The following PPP2R3B variants were observed in gnomAD, a reference collection of about 807,000 sequenced individuals.
PPP2R3B encodes protein phosphatase 2 regulatory subunit B''beta, also known as serine/threonine-protein phosphatase 2A regulatory subunit B'' subunit beta.
PPP2R3B carries 68 observed loss-of-function variants against 72.9 expected under a neutral mutation model. The ratio of observed to expected loss-of-function variants is 0.93; its 90% confidence interval spans 0.77 to 1.14. PPP2R3B has a LOEUF of 1.14. Among genes scored for constraint, PPP2R3B ranks in the 50% most tolerant of loss-of-function variants. The pLI, the probability that PPP2R3B is intolerant of heterozygous loss-of-function variation, is 0.00. For synonymous variants in PPP2R3B, 466 were observed against 375.8 expected (o/e 1.24, Z -2.78); for missense variants, 1,018 against 842.0 (o/e 1.21, Z -2.59).
chrX:350,405 C>G (rs2071305307), intron 2 of PPP2R3B, among the ~76,000 whole-genome samples: 1 of 152,224 alleles, frequency 6.6e-6, no homozygotes, highest in Non-Finnish European at 1.5e-5. Flanking sequence ...GCGCAGGACT[C>G]AGGGTCAGCT....
intron 2 of PPP2R3B, 160 bp from the exon 3 acceptor site, chrX:347,853 G>C (rs1351204189): frequency 3.4e-6 from 2 of 587,502 alleles, no homozygotes; most frequent in African/African-American, 3.8e-5. Flanking sequence ...ACTCAACGTG[G>C]CTTTCGCTCC....
chrX:369,183 C>T (rs1303652630), intron 1 of PPP2R3B, among the ~76,000 whole-genome samples: 2 of 152,152 alleles, frequency 1.3e-5, no homozygotes, highest in South Asian at 2.1e-4. Context: ...ACGGTAAACA[C>T]AGAAGGAGCA....
chrX:341,194 CCT>C (rs1399497901), intron 9 of PPP2R3B, 111 bp downstream of exon 9: 41 of 1,130,564 alleles, frequency 3.6e-5, no homozygotes, highest in Non-Finnish European at 5.0e-5. Flanking sequence ...CACATGTCCC[CCT>C]GTGCCGTGCA....
chrX:346,813 C>G (rs763069537), intron 4 of PPP2R3B, 38 bp from the exon 5 acceptor site: 3 of 1,575,102 alleles, frequency 1.9e-6, no homozygotes, highest in East Asian at 4.5e-5. Flanking sequence ...GGTGTAGACG[C>G]CGGCCCTCCC....
chrX:380,177 T>C (rs1345430246), intron 1 of PPP2R3B, among the ~76,000 whole-genome samples: 1 of 152,136 alleles, frequency 6.6e-6, no homozygotes, highest in African/African-American at 2.4e-5. Flanking sequence ...TATGCAAACA[T>C]TTTGTAATAA....
intron 10 of PPP2R3B, 114 bp downstream of exon 10, chrX:340,651 T>A: frequency 3.6e-6 from 1 of 279,120 alleles, no homozygotes; most frequent in Non-Finnish European, 5.7e-6. Flanking sequence ...CTCCCTGGGC[T>A]GTCATCCGTC....
At chrX:377,737 G>A (rs1246808104) in intron 1 of PPP2R3B, among the ~76,000 whole-genome samples, 1 of 129,542 alleles carries the variant, frequency 7.7e-6, no homozygotes, top group Non-Finnish European at 1.6e-5. Flanking sequence ...CACACCCAGT[G>A]GGGCCACCAT....
intron 2 of PPP2R3B, among the ~76,000 whole-genome samples, chrX:358,243 G>A (rs1189993879): frequency 1.3e-5 from 2 of 152,272 alleles, no homozygotes; most frequent in Non-Finnish European, 2.9e-5. Flanking sequence ...GCGCCACCGA[G>A]ACAGGCTCAG....
At chrX:350,194 G>A (rs1364049811) in intron 2 of PPP2R3B, among the ~76,000 whole-genome samples, 3 of 152,208 alleles carry the variant, frequency 2.0e-5, no homozygotes, top group Admixed American at 2.0e-4. Context: ...AGTTGGGACA[G>A]AGCCCCGTGG....
intron 12 of PPP2R3B, chrX:338,080 G>C (rs1191588794): frequency 5.9e-6 from 1 of 170,530 alleles, no homozygotes; most frequent in Non-Finnish European, 1.3e-5. Context: ...CGTGAAGAGG[G>C]GGTGAAAACA....
At position 340,584 on chromosome X, in the gene PPP2R3B, G is replaced by A. The variant is rs183713144; in HGVS notation, c.1351+181C>T. 7.2e-4 allele frequency: 83 copies of A among 115,976 alleles called. 2 individuals carry two copies. Among genetic ancestry groups the A allele is most frequent in the African/African-American group, 3.1e-3 (72 of 23,492 alleles). 7.2% of individuals were successfully genotyped at this position (115,976 alleles called of 1,614,324 possible). On this transcript the variant is annotated intron_variant, in intron 10 of 12. Transcript: ENST00000390665. ...CCCGTCCGTCCCCTCACCCTGGGCCGTCCTCCCTCCCGTCCGTCCCCTCTC... is the reference window on the plus strand; with the variant it reads ...CCCGTCCGTCCCCTCACCCTGGGCCATCCTCCCTCCCGTCCGTCCCCTCTC...
chrX:348,906 C>T (rs1388869394), intron 2 of PPP2R3B, among the ~76,000 whole-genome samples: 8 of 152,092 alleles, frequency 5.3e-5, no homozygotes, highest in African/African-American at 1.2e-4. Context: ...GTGCCTGTTC[C>T]GAGGCTGGCA....
intron 1 of PPP2R3B, among the ~76,000 whole-genome samples, chrX:383,006 C>T (rs2072158407): frequency 6.6e-6 from 1 of 152,090 alleles, no homozygotes; most frequent in African/African-American, 2.4e-5. Flanking sequence ...TCCTAAGGTG[C>T]TTCAGGTTTT....
At chrX:380,553 G>C (rs2124413036) in intron 1 of PPP2R3B, among the ~76,000 whole-genome samples, 1 of 152,108 alleles carries the variant, frequency 6.6e-6, no homozygotes, top group African/African-American at 2.4e-5. Flanking sequence ...TGGGAGGCTG[G>C]GGCGGGTGGA....
intron 1 of PPP2R3B, among the ~76,000 whole-genome samples, chrX:379,311 G>T (rs1387910907): frequency 2.0e-5 from 3 of 146,772 alleles, no homozygotes; most frequent in Non-Finnish European, 1.5e-5. Context: ...ATGGACCTAT[G>T]TATGTGTGTA....
chrX:384,146 G>A (rs1416146309), intron 1 of PPP2R3B, among the ~76,000 whole-genome samples: 1 of 151,984 alleles, frequency 6.6e-6, no homozygotes, highest in Admixed American at 6.6e-5. Flanking sequence ...GTCCTTTTAG[G>A]TTATTCACTA....
chrX:349,383 C>T (rs1199477011), intron 2 of PPP2R3B, among the ~76,000 whole-genome samples: 1 of 152,152 alleles, frequency 6.6e-6, no homozygotes, highest in Non-Finnish European at 1.5e-5. Context: ...TTCTTGACAG[C>T]AGCCTGAATG....
intron 9 of PPP2R3B, 96 bp from the exon 10 acceptor site, chrX:341,036 C>A: frequency 1.3e-6 from 2 of 1,498,298 alleles, no homozygotes; most frequent in East Asian, 2.3e-5. Flanking sequence ...TGCACGCGTC[C>A]CCGCTGTGCC....
chrX:344,170 C>G lies in PPP2R3B; in HGVS notation c.1036+1346G>C, dbSNP rs1401406258. Among the ~76,000 whole-genome samples, 177 of 103,672 alleles carry G rather than the reference C, an allele frequency of 1.7e-3. 43 individuals are homozygous for G. Among genetic ancestry groups the G allele is most frequent in the South Asian group, 5.5e-3 (13 of 2,346 alleles). The allele number at this position is 103,672 out of a possible 152,430, so 68.0% of individuals were successfully genotyped here. A position where few individuals can be genotyped will look rare whatever the true frequency, so the allele number is the denominator to read the frequency against. ...CAGCAACGGGAGGCGGGAGGGAGAC[C>G]TCACCAACGGGAGGCGGGAGTGAGA... is the stretch of plus-strand genomic sequence containing the variant. On this transcript the variant is annotated intron_variant, in intron 7 of 12. Coordinates refer to ENST00000390665, the MANE Select transcript of PPP2R3B (RefSeq NM_013239.5).
Sources: allele counts gnomAD v4.1 joint callset (sites outside exome capture counted in the v4.1 genomes callset), GRCh38; gene constraint gnomAD v4.1.1; transcripts MANE v1.5; gene names NCBI Gene and HGNC (gene_info 2026-07-23, HGNC 2026-07-21).